CPED1: variants seen among roughly 807,000 people sequenced by gnomAD.
The protein encoded by CPED1 is cadherin-like and PC-esterase domain-containing protein 1.
In CPED1, 114 loss-of-function variants were observed where a neutral mutation model predicts 128.2. That is an observed-to-expected ratio of 0.89 (90% CI 0.76 to 1.04). CPED1 has a LOEUF of 1.04. Ranked by LOEUF, CPED1 falls within the 50% of genes least tolerant of loss-of-function variation. CPED1 has a pLI of 0.00. For missense variants in CPED1, 1,211 were observed against 1,207.1 expected, an observed-to-expected ratio of 1.00 and a Z score of -0.05; for synonymous variants, 462 against 426.7, an observed-to-expected ratio of 1.08 and a Z score of -1.02.
chr7:121,190,476 C>A (rs893527781), intron 16 of CPED1, among the ~76,000 whole-genome samples: 4 of 150,466 alleles, frequency 2.7e-5, no homozygotes, highest in African/African-American at 9.8e-5. Flanking sequence ...ATGGCATAAT[C>A]CGATTTAGTT....
At chr7:121,184,802 C>T (rs1375624083) in intron 16 of CPED1, among the ~76,000 whole-genome samples, 5 of 152,014 alleles carry the variant, frequency 3.3e-5, no homozygotes, top group African/African-American at 1.2e-4. Flanking sequence ...GTTACTTTTG[C>T]TCTTTAAAAC....
chr7:121,276,676 A>G (rs1388871417), intron 22 of CPED1, among the ~76,000 whole-genome samples: 1 of 152,162 alleles, frequency 6.6e-6, no homozygotes, highest in Non-Finnish European at 1.5e-5. Context: ...TGAAGGATGA[A>G]CAGGACTTAA....
intron 3 of CPED1, among the ~76,000 whole-genome samples, chr7:121,024,301 G>C (rs1018983640): frequency 2.0e-5 from 3 of 152,054 alleles, no homozygotes; most frequent in African/African-American, 7.2e-5. Flanking sequence ...GTTGAGCTTA[G>C]AGTGACCTCC....
intron 18 of CPED1, among the ~76,000 whole-genome samples, chr7:121,253,811 A>G (rs1386274288): frequency 6.6e-6 from 1 of 152,118 alleles, no homozygotes; most frequent in African/African-American, 2.4e-5. Flanking sequence ...ATACAAATTA[A>G]GAAGGACAAA....
intron 3 of CPED1, among the ~76,000 whole-genome samples, chr7:121,042,899 A>G (rs1793094605): frequency 6.6e-6 from 1 of 152,220 alleles, no homozygotes; most frequent in Non-Finnish European, 1.5e-5. Context: ...TAAATCATAT[A>G]GAGTTGTCCT....
At chr7:121,033,355 A>G (rs1228245351) in intron 3 of CPED1, among the ~76,000 whole-genome samples, 1 of 152,228 alleles carries the variant, frequency 6.6e-6, no homozygotes, top group Non-Finnish European at 1.5e-5. Flanking sequence ...TAGGCTGGCA[A>G]GACACATAGA....
At chr7:121,139,345 T>A (rs1380660337) in intron 14 of CPED1, among the ~76,000 whole-genome samples, 1 of 152,046 alleles carries the variant, frequency 6.6e-6, no homozygotes, top group Non-Finnish European at 1.5e-5. Flanking sequence ...AATTTGTTTT[T>A]CTTCCATAGC....
chr7:121,178,613 G>A lies in CPED1; in HGVS notation c.2055+36472G>A, dbSNP rs114828702. On this transcript the variant is annotated intron_variant, in intron 16 of 22. Coordinates refer to ENST00000310396, the MANE Select transcript of CPED1 (RefSeq NM_024913.5). ...TACACTACAATGGCAAAGTACATGT[G>A]TCCCAAATTAAAATTGGAGGAATGG... Among the ~76,000 whole-genome samples, 512 of 152,170 alleles carry A rather than the reference G, an allele frequency of 3.4e-3. 3 individuals are homozygous for A. Among genetic ancestry groups the A allele is most frequent in the African/African-American group, 0.012 (486 of 41,546 alleles).
At chr7:121,177,624 A>C (rs541012013) in intron 16 of CPED1, among the ~76,000 whole-genome samples, 3 of 152,222 alleles carry the variant, frequency 2.0e-5, no homozygotes, top group Non-Finnish European at 4.4e-5. Context: ...AAAGAGTTAC[A>C]CACATATAAC....
intron 3 of CPED1, among the ~76,000 whole-genome samples, chr7:121,016,154 C>T (rs1431431284): frequency 1.3e-5 from 2 of 152,056 alleles, no homozygotes; most frequent in East Asian, 1.9e-4. Context: ...TGTTCTGCCC[C>T]GCACCCAAAC....
Position 121,007,230 on chromosome 7 carries a change from C to CTTTTTTTT in CPED1, c.250-8435_250-8434insTTTTTTTT, listed in dbSNP as rs147867549. 2.2e-4 allele frequency among the ~76,000 whole-genome samples: 25 copies of CTTTTTTTT among 115,844 alleles called. 4 individuals are homozygous for CTTTTTTTT. The highest frequency in any genetic ancestry group is 4.7e-4 in the Admixed American group (5 of 10,612). 76.0% of individuals were successfully genotyped at this position (115,844 alleles called of 152,430 possible). ...AAGCGTTGCGAAACTGTTCAGGTTG[C>CTTTTTTTT]ATTTTTTTTTTTTTTTTTTGTCTTG... is the stretch of plus-strand genomic sequence containing the variant. On this transcript the variant is annotated intron_variant, in intron 2 of 22. Transcript: ENST00000310396.
At chr7:121,125,952 G>GT in intron 9 of CPED1, 60 bp downstream of exon 9, 24 of 1,199,008 alleles carry the variant, frequency 2.0e-5, no homozygotes, top group Non-Finnish European at 2.6e-5. Context: ...CAGTGTGTGT[G>GT]TGTTGTTGTT....
chr7:121,112,618 G>T (rs993428427), intron 7 of CPED1, among the ~76,000 whole-genome samples: 3 of 152,164 alleles, frequency 2.0e-5, no homozygotes, highest in South Asian at 2.1e-4. Context: ...GTTTTAAATT[G>T]TGACGTTTGT....
chr7:121,145,121 C>G (rs1199312149), intron 16 of CPED1, among the ~76,000 whole-genome samples: 1 of 150,672 alleles, frequency 6.6e-6, no homozygotes, highest in Non-Finnish European at 1.5e-5. Flanking sequence ...AATATATCAA[C>G]TATACATGTG....
chr7:121,257,567 T>A (rs2116726272), intron 18 of CPED1, among the ~76,000 whole-genome samples: 1 of 152,106 alleles, frequency 6.6e-6, no homozygotes, highest in African/African-American at 2.4e-5. Context: ...GTGTATACAC[T>A]CATATTTCAC....
At chr7:121,284,609 CA>C (rs1792528304) in intron 22 of CPED1, among the ~76,000 whole-genome samples, 1 of 152,076 alleles carries the variant, frequency 6.6e-6, no homozygotes, top group South Asian at 2.1e-4. Context: ...ATAAATTGGC[CA>C]AAACAAAGGG....
At chr7:121,048,555 T>G (rs1764415419) in intron 4 of CPED1, among the ~76,000 whole-genome samples, 1 of 152,204 alleles carries the variant, frequency 6.6e-6, no homozygotes, top group African/African-American at 2.4e-5. Context: ...GTTTTGTTTT[T>G]TTGAGACAAA....
chr7:121,273,482 C>T (rs1584647129), intron 22 of CPED1, among the ~76,000 whole-genome samples: 1 of 151,846 alleles, frequency 6.6e-6, no homozygotes, highest in African/African-American at 2.4e-5. Flanking sequence ...AGATCACCAC[C>T]ACTGCACTCC....
At chr7:121,266,503 A>G in intron 19 of CPED1, 56 bp downstream of exon 19, 1 of 1,431,834 alleles carries the variant, frequency 7.0e-7, no homozygotes, top group Non-Finnish European at 9.8e-7. Flanking sequence ...ATGTTCTGCT[A>G]GCAGTCGTCA....
Sources: gnomAD v4.1 joint callset for allele counts (sites outside exome capture counted in the v4.1 genomes callset) on GRCh38, gnomAD v4.1.1 for gene constraint, MANE v1.5 for transcripts, NCBI Gene and HGNC (gene_info 2026-07-23, HGNC 2026-07-21) for gene names.